Variants in DENND4C observed in about 807,000 individuals in gnomAD.
DENND4C encodes DENN domain-containing protein 4C.
In DENND4C, 108 loss-of-function variants were observed where a neutral mutation model predicts 203.0. That is an observed-to-expected ratio of 0.53 (90% CI 0.46 to 0.62). DENND4C has a LOEUF of 0.62. Ranked by LOEUF, DENND4C falls within the 20% of genes least tolerant of loss-of-function variation. DENND4C has a pLI of 0.00. For missense variants in DENND4C, 2,481 were observed against 2,301.2 expected (o/e 1.08, Z -1.60); for synonymous variants, 871 against 792.4 (o/e 1.10, Z -1.67).
intron 31 of DENND4C, 133 bp downstream of exon 31, chr9:19,370,120 C>T (rs1185077567): frequency 9.2e-7 from 1 of 1,086,874 alleles, no homozygotes; most frequent in Non-Finnish European, 1.4e-6. Context: ...GTTTTAAGTG[C>T]TACACAGATA....
At chr9:19,359,732 T>C (rs559164699) in intron 28 of DENND4C, among the ~76,000 whole-genome samples, 2 of 152,192 alleles carry the variant, frequency 1.3e-5, no homozygotes, top group Non-Finnish European at 2.9e-5. Flanking sequence ...TCACAAAGTC[T>C]AGGTTGGGTC....
chr9:19,337,634 G>C (rs994238711), intron 20 of DENND4C: 1 of 1,287,810 alleles, frequency 7.8e-7, no homozygotes, highest in Non-Finnish European at 1.0e-6. Flanking sequence ...ATGGATACAC[G>C]TGTGCATTAA....
chr9:19,363,722 A>G (rs190091426), intron 30 of DENND4C, among the ~76,000 whole-genome samples: 170 of 151,708 alleles, frequency 1.1e-3, no homozygotes, highest in Middle Eastern at 3.4e-3. Flanking sequence ...TAAAAAAGGA[A>G]AATGTAGGCC....
intron 30 of DENND4C, among the ~76,000 whole-genome samples, chr9:19,363,523 T>G (rs13298176): frequency 6.6e-6 from 1 of 151,388 alleles, no homozygotes; most frequent in African/African-American, 2.4e-5. Context: ...TAAAAAAACA[T>G]TAGTGCCCCA....
intron 9 of DENND4C, 24 bp downstream of exon 9, chr9:19,300,355 G>A: frequency 1.4e-6 from 2 of 1,480,130 alleles, no homozygotes; most frequent in African/African-American, 1.4e-5. Context: ...TTTCCTTTTA[G>A]TACAAAATTA....
intron 30 of DENND4C, 23 bp downstream of exon 30, chr9:19,361,986 C>G: frequency 1.4e-6 from 2 of 1,459,830 alleles, no homozygotes; most frequent in Non-Finnish European, 1.9e-6. Flanking sequence ...GAATTAAAGA[C>G]ATAACAGCCA....
Position 19,357,008 on chromosome 9 carries a change from A to G in DENND4C, c.4818A>G (p.Leu1606=). ...FLKPSTSGDS[L]QSGSIPLANE... Reference sequence around the variant, plus strand: ...AACCAAGTACCTCTGGTGACAGTTTACAAAGTGGAAGCATTCCATTGGCAA... The same window carrying G: ...AACCAAGTACCTCTGGTGACAGTTTGCAAAGTGGAAGCATTCCATTGGCAA... The change falls in exon 27 of 33, where the codon TTA becomes TTG. Residue 1606 remains leucine (L), a synonymous_variant. Coordinates refer to ENST00000434457, the MANE Select transcript of DENND4C (RefSeq NM_001330640.2). 1 of 1,613,930 alleles carries G rather than the reference A, an allele frequency of 6.2e-7. No homozygotes were observed.
Position 19,328,010 on chromosome 9 carries a change from T to TA in DENND4C, c.2121-19dup. 1 of 1,575,502 alleles carries TA rather than the reference T, an allele frequency of 6.3e-7. No individual in the cohort carries two copies. Among genetic ancestry groups the TA allele is most frequent in the Non-Finnish European group, 8.6e-7 (1 of 1,165,736 alleles). ...TTGGTGTGTTTTAAATCAGCAGTTC[T>TA]ATTTTTTTTTTTATTTTAGTTACAA... On this transcript the variant is annotated intron_variant, in intron 15 of 32. Transcript: ENST00000434457.
intron 9 of DENND4C, among the ~76,000 whole-genome samples, chr9:19,304,908 G>GT (rs80168964): frequency 0.016 from 2,222 of 141,096 alleles, 16 homozygotes; most frequent in Middle Eastern, 0.026. Flanking sequence ...AAAATAATTA[G>GT]TTTTTTTTTT....
chr9:19,273,459 C>T (rs1266163918), intron 1 of DENND4C, among the ~76,000 whole-genome samples: 2 of 151,948 alleles, frequency 1.3e-5, no homozygotes, highest in Admixed American at 6.6e-5. Context: ...CATCAAAAAC[C>T]TCTGTTTTTC....
At chr9:19,333,016 T>C (rs759691939) in intron 17 of DENND4C, among the ~76,000 whole-genome samples, 4 of 150,114 alleles carry the variant, frequency 2.7e-5, no homozygotes, top group African/African-American at 4.9e-5. Flanking sequence ...TTTAAAAATA[T>C]ATTTTTTATT....
At chr9:19,280,012 A>AG (rs1282223093) in intron 2 of DENND4C, among the ~76,000 whole-genome samples, 1 of 100,122 alleles carries the variant, frequency 1.0e-5, no homozygotes, top group African/African-American at 3.6e-5. Flanking sequence ...TAGGAAATAT[A>AG]GGAAAAAGAT....
chr9:19,330,023 C>T (rs1171418051), intron 16 of DENND4C, among the ~76,000 whole-genome samples: 3 of 152,106 alleles, frequency 2.0e-5, no homozygotes, highest in African/African-American at 7.2e-5. Context: ...ATGGGATAGT[C>T]CCCTAAATCC....
chr9:19,293,672 T>C (rs1836825910), intron 5 of DENND4C, among the ~76,000 whole-genome samples: 1 of 152,156 alleles, frequency 6.6e-6, no homozygotes, highest in Admixed American at 6.5e-5. Flanking sequence ...CTAAACAAAA[T>C]ACATAAAAGC....
intron 1 of DENND4C, among the ~76,000 whole-genome samples, chr9:19,239,613 A>C (rs1423626106): frequency 6.6e-6 from 1 of 152,000 alleles, no homozygotes; most frequent in Non-Finnish European, 1.5e-5. Context: ...CAGCCTCCCG[A>C]GTAGCTGGGA....
chr9:19,345,892 C>A, intron 22 of DENND4C, 29 bp from the exon 23 acceptor site: 1 of 1,515,098 alleles, frequency 6.6e-7, no homozygotes, highest in Non-Finnish European at 8.9e-7. Context: ...AAAATAGGTT[C>A]ATTGTTAATA....
chr9:19,342,533 C>A, intron 21 of DENND4C, 100 bp from the exon 22 acceptor site: 1 of 1,270,098 alleles, frequency 7.9e-7, no homozygotes, highest in South Asian at 1.9e-5. Flanking sequence ...GACACACTGA[C>A]TGTTGGAGAA....
Position 19,300,269 on chromosome 9 carries a change from A to G in DENND4C, c.1249A>G (p.Lys417Glu), listed in dbSNP as rs1415390452. Reference protein sequence around the residue: ...TLLLFVLLESKILLHSLRPAV... With the variant: ...TLLLFVLLESEILLHSLRPAV... ...GCTGCTCTTTGTTTTACTTGAGAGT[A>G]AAATTCTGCTGCATTCTCTTAGGCC... Residue 417 changes from lysine to glutamate, a missense_variant, in exon 9 of 33, where the codon AAA becomes GAA. Physicochemically the swap from Lys to Glu is moderately conservative, Grantham distance 56. Around this residue, in one of 3 missense-constraint regions of DENND4C, gnomAD observed 2,289 missense variants for 2,113.3 expected, o/e 1.08. Transcript: ENST00000434457. The G allele has an allele frequency of 5.0e-6, 8 of 1,612,412 alleles. No individual in the cohort carries two copies. Among genetic ancestry groups the G allele is most frequent in the Non-Finnish European group, 6.8e-6 (8 of 1,178,890 alleles).
At chr9:19,355,203 C>A (rs1476500420) in intron 26 of DENND4C, among the ~76,000 whole-genome samples, 1 of 152,220 alleles carries the variant, frequency 6.6e-6, no homozygotes, top group Non-Finnish European at 1.5e-5. Context: ...AGCCACCATG[C>A]CTGGCCATTC....
Sources: allele counts gnomAD v4.1 joint callset (sites outside exome capture counted in the v4.1 genomes callset), GRCh38; gene constraint gnomAD v4.1.1; regional missense constraint gnomAD v4.1.1; transcripts MANE v1.5; gene names NCBI Gene and HGNC (gene_info 2026-07-23, HGNC 2026-07-21).